The following ZNF429 variants were observed in gnomAD, a reference collection of about 807,000 sequenced individuals.
ZNF429 encodes the protein zinc finger protein 429.
A neutral mutation model predicts 56.8 loss-of-function variants in ZNF429; 53 were observed. The ratio of observed to expected loss-of-function variants is 0.93; its 90% confidence interval spans 0.75 to 1.17. ZNF429 has a LOEUF of 1.17. ZNF429 is among the 50% of genes most tolerant of loss of function. The pLI is 0.00. For missense variants in ZNF429, 849 were observed against 788.4 expected (o/e 1.08, Z -0.92); for synonymous variants, 278 against 264.7 (o/e 1.05, Z -0.49).
intron 1 of ZNF429, among the ~76,000 whole-genome samples, chr19:21,528,641 G>A (rs2033255878): frequency 6.6e-6 from 1 of 152,008 alleles, no homozygotes; most frequent in South Asian, 2.1e-4. Context: ...GGAGGTGGAG[G>A]TTGCAGTGAG....
chr19:21,518,528 G>A (rs1414729613), intron 1 of ZNF429: 1 of 152,156 alleles, frequency 6.6e-6, no homozygotes, highest in Non-Finnish European at 1.5e-5. Context: ...ATGTTTTCAA[G>A]TGTTTTTCTT....
Position 21,535,798 on chromosome 19 carries a change from C to T in ZNF429, c.227-482C>T. 2.1e-3 allele frequency among the ~76,000 whole-genome samples: 313 copies of T among 152,164 alleles called. 1 individual carries two copies. The highest frequency in any genetic ancestry group is 1.8e-3 in the Non-Finnish European group (121 of 68,028). ...AAAGTGCTGGGATTACAGGCATGAG[C>T]CACCGCGCCTGACCAAAGTATACCA... On this transcript the variant is annotated intron_variant, in intron 3 of 3. Coordinates refer to ENST00000358491, the MANE Select transcript of ZNF429 (RefSeq NM_001001415.4).
At chr19:21,516,406 G>T (rs539059050) in intron 1 of ZNF429, among the ~76,000 whole-genome samples, 1 of 152,206 alleles carries the variant, frequency 6.6e-6, no homozygotes, top group African/African-American at 2.4e-5. Context: ...TTTTTGCTTA[G>T]GATTGCATTG....
At chr19:21,509,667 G>A (rs2032357388) in intron 1 of ZNF429, among the ~76,000 whole-genome samples, 1 of 152,154 alleles carries the variant, frequency 6.6e-6, no homozygotes, top group African/African-American at 2.4e-5. Flanking sequence ...TGGAAAGCTG[G>A]GAACCCACAG....
At chr19:21,535,328 TCTTTTC>T in intron 3 of ZNF429, among the ~76,000 whole-genome samples, 27 of 94,732 alleles carry the variant, frequency 2.9e-4, no homozygotes, top group South Asian at 9.6e-4. Flanking sequence ...TCTTTCTTTC[TCTTTTC>T]TTTTCTTTCC....
At chr19:21,532,990 C>T in intron 3 of ZNF429, among the ~76,000 whole-genome samples, 74 of 147,558 alleles carry the variant, frequency 5.0e-4, no homozygotes, top group African/African-American at 1.7e-3. Context: ...CCACCTTGCC[C>T]GGTCCAAATT....
chr19:21,513,065 G>T (rs879755490), intron 1 of ZNF429, among the ~76,000 whole-genome samples: 119 of 151,988 alleles, frequency 7.8e-4, no homozygotes, highest in Non-Finnish European at 1.4e-3. Flanking sequence ...TAGAGACAGG[G>T]TTTCACTATG....
chr19:21,518,183 TG>T (rs1452362555), intron 1 of ZNF429, among the ~76,000 whole-genome samples: 1 of 152,268 alleles, frequency 6.6e-6, no homozygotes, highest in African/African-American at 2.4e-5. Flanking sequence ...CTTGATCTTT[TG>T]TATGACTTCT....
chr19:21,511,648 A>G lies in ZNF429; in HGVS notation c.3+5874A>G, dbSNP rs2032480693. Reference sequence around the variant, plus strand: ...TCCCAGATGATGGGCGGCCAGGCAGAGACGCTCCTCACTTCCCAGACGGGG... The same window carrying G: ...TCCCAGATGATGGGCGGCCAGGCAGGGACGCTCCTCACTTCCCAGACGGGG... On this transcript the variant is annotated intron_variant, in intron 1 of 3. Transcript: ENST00000358491. 2.6e-5 allele frequency among the ~76,000 whole-genome samples: 4 copies of G among 151,352 alleles called. No homozygotes were observed. In the Middle Eastern group the frequency reaches 0.01, roughly 386 times the overall value.
At chr19:21,531,150 G>A in intron 3 of ZNF429, among the ~76,000 whole-genome samples, 2,390 of 140,562 alleles carry the variant, frequency 0.017, 81 homozygotes, top group African/African-American at 0.056. Flanking sequence ...AAAAACACCC[G>A]TCTTGGTGAC....
intron 1 of ZNF429, among the ~76,000 whole-genome samples, chr19:21,508,660 C>A (rs189111301): frequency 6.7e-6 from 1 of 150,240 alleles, no homozygotes; most frequent in Admixed American, 6.6e-5. Context: ...TCTCATGTAC[C>A]TTTTTCTTTC....
intron 1 of ZNF429, among the ~76,000 whole-genome samples, chr19:21,515,285 T>C (rs1403757459): frequency 1.3e-5 from 2 of 150,264 alleles, no homozygotes; most frequent in Non-Finnish European, 3.0e-5. Context: ...CCATTCTGAC[T>C]GGTGTGAGAT....
chr19:21,511,406 G>C (rs1225208695), intron 1 of ZNF429, among the ~76,000 whole-genome samples: 2 of 151,740 alleles, frequency 1.3e-5, no homozygotes, highest in Non-Finnish European at 2.9e-5. Context: ...ACAGGGTCAC[G>C]GCCGGGCAGA....
intron 1 of ZNF429, chr19:21,521,876 C>G (rs1190489595): frequency 6.6e-6 from 1 of 152,238 alleles, no homozygotes; most frequent in Non-Finnish European, 1.5e-5. Flanking sequence ...TCCAGGAGGC[C>G]TACAGGATCT....
In ZNF429 at chr19:21,514,024, C is replaced by T. The variant is rs576474479; in HGVS notation, c.3+8250C>T. 2.2e-4 allele frequency among the ~76,000 whole-genome samples: 34 copies of T among 152,312 alleles called. No homozygotes were observed. In the South Asian group the frequency reaches 7.0e-3, roughly 32 times the overall value. On this transcript the variant is annotated intron_variant, in intron 1 of 3. Transcript: ENST00000358491. ...TCCCAGACACAATCTGCAACAGCAA[C>T]CTGTTTTTCTCCACCAACTTAGGGT...
At chr19:21,506,767 G>GTT (rs60650857) in intron 1 of ZNF429, among the ~76,000 whole-genome samples, 84 of 111,746 alleles carry the variant, frequency 7.5e-4, no homozygotes, top group South Asian at 1.8e-3. Context: ...TTAGTTTTTT[G>GTT]TTTTTTTTTT....
At position 21,508,029 on chromosome 19, in the gene ZNF429, G is replaced by C. The variant is rs572797213; in HGVS notation, c.3+2255G>C. On this transcript the variant is annotated intron_variant, in intron 1 of 3. Transcript: ENST00000358491. ...GCACTTTGGGAGGCCAAGGTGGGCA[G>C]ATCACCTGAGGTCAGGAGTTCGAGA... Among the ~76,000 whole-genome samples the C allele has an allele frequency of 3.3e-5, 5 of 152,282 alleles. No individual in the cohort carries two copies. The East Asian group carries it at 9.7e-4, about 29-fold the overall frequency.
At chr19:21,509,820 A>T (rs944348319) in intron 1 of ZNF429, among the ~76,000 whole-genome samples, 4 of 152,258 alleles carry the variant, frequency 2.6e-5, no homozygotes, top group Admixed American at 6.5e-5. Flanking sequence ...TGAATTACCA[A>T]GGAGTATTGC....
intron 1 of ZNF429, chr19:21,529,446 C>T (rs1448192493): frequency 1.2e-5 from 11 of 903,358 alleles, no homozygotes; most frequent in Non-Finnish European, 1.5e-5. Flanking sequence ...GATCTTATGC[C>T]ACTATTTTCT....
Sources: gnomAD v4.1 joint callset for allele counts (sites outside exome capture counted in the v4.1 genomes callset) on GRCh38, gnomAD v4.1.1 for gene constraint, MANE v1.5 for transcripts, NCBI Gene and HGNC (gene_info 2026-07-23, HGNC 2026-07-21) for gene names.